The following MAGI1 variants were observed in gnomAD, a reference collection of about 807,000 sequenced individuals.
The protein encoded by MAGI1 is membrane-associated guanylate kinase, WW and PDZ domain-containing protein 1.
MAGI1 carries 58 observed loss-of-function variants against 139.9 expected under a neutral mutation model. The ratio of observed to expected loss-of-function variants is 0.41; its 90% CI spans 0.34 to 0.52. The LOEUF (loss-of-function observed/expected upper bound fraction) is 0.52, where lower values mean the gene tolerates loss of function less well. MAGI1 is among the 20% of genes least tolerant of loss of function. The pLI, the probability that MAGI1 is intolerant of heterozygous loss-of-function variation, is 0.12. For synonymous variants in MAGI1, 812 were observed against 737.9 expected, an observed-to-expected ratio of 1.10 and a Z score of -1.63; for missense variants, 1,874 against 1,901.6, an observed-to-expected ratio of 0.99 and a Z score of 0.27.
chr3:65,558,538 T>G (rs1192553667), intron 2 of MAGI1, among the ~76,000 whole-genome samples: 1 of 152,172 alleles, frequency 6.6e-6, no homozygotes, highest in African/African-American at 2.4e-5. Context: ...CCTGTTATCT[T>G]CTTACATCAT....
chr3:65,877,047 C>T lies in MAGI1; in HGVS notation c.313+160949G>A, dbSNP rs1021824166. Among the ~76,000 whole-genome samples the T allele has an allele frequency of 4.3e-4, 65 of 152,106 alleles. 1 individual carries two copies. The highest frequency in any genetic ancestry group is 1.5e-3 in the African/African-American group (63 of 41,408). On this transcript the variant is annotated intron_variant, in intron 1 of 22. Transcript: ENST00000402939. The stretch of plus-strand genomic sequence containing the variant: ...CATGAGCCACTGCGCCTGGCCTATG[C>T]TCTAATTTTTAAGTAAAAATTAAAT...
intron 2 of MAGI1, among the ~76,000 whole-genome samples, chr3:65,544,461 G>GTT (rs1322790748): frequency 6.6e-6 from 1 of 152,150 alleles, no homozygotes. Context: ...TTGGGGGAGG[G>GTT]TTCAAAGTAG....
intron 1 of MAGI1, among the ~76,000 whole-genome samples, chr3:65,935,331 G>C (rs2062998806): frequency 1.3e-5 from 2 of 152,216 alleles, no homozygotes; most frequent in Admixed American, 1.3e-4. Context: ...TGGTTTTGTA[G>C]ATTGAATTCT....
intron 1 of MAGI1, among the ~76,000 whole-genome samples, chr3:66,034,250 C>G (rs2068795197): frequency 6.9e-6 from 1 of 145,184 alleles, no homozygotes; most frequent in South Asian, 2.5e-4. Context: ...GGTTACTATA[C>G]TAATGCCACT....
At chr3:66,013,563 C>A (rs1288485344) in intron 1 of MAGI1, among the ~76,000 whole-genome samples, 6 of 151,776 alleles carry the variant, frequency 4.0e-5, no homozygotes, top group Non-Finnish European at 8.8e-5. Context: ...AGACCGAGAC[C>A]ATCCTGGCTA....
chr3:65,455,316 T>C (rs1949318980), intron 5 of MAGI1, among the ~76,000 whole-genome samples: 1 of 152,166 alleles, frequency 6.6e-6, no homozygotes, highest in Non-Finnish European at 1.5e-5. Context: ...TGCTCTTTTA[T>C]AGTCACAACT....
At chr3:65,690,181 T>G (rs1200057450) in intron 1 of MAGI1, among the ~76,000 whole-genome samples, 1 of 114,518 alleles carries the variant, frequency 8.7e-6, no homozygotes, top group Non-Finnish European at 1.7e-5. Flanking sequence ...CCACTGCAAA[T>G]AGAGTAGACT....
At chr3:65,948,828 C>T (rs1366226618) in intron 1 of MAGI1, among the ~76,000 whole-genome samples, 2 of 152,168 alleles carry the variant, frequency 1.3e-5, no homozygotes, top group Non-Finnish European at 2.9e-5. Context: ...CTTTGGCAGT[C>T]AACCCATTCT....
rs1267651255 is a variant in MAGI1, at chr3:65,826,430, G to A, written c.314-204342C>T. 5.3e-5 allele frequency among the ~76,000 whole-genome samples: 8 copies of A among 152,330 alleles called. No individual in the cohort carries two copies. The East Asian group carries it at 9.7e-4, about 18-fold the overall frequency. ...GAAAGAGACTGGATATCAGCATTCT[G>A]TGCAAATTCTTACCTGTTACTTGTG... On this transcript the variant is annotated intron_variant, in intron 1 of 22. Coordinates refer to ENST00000402939, the MANE Select transcript of MAGI1 (RefSeq NM_001033057.2).
chr3:65,757,948 T>C (rs1032325396), intron 1 of MAGI1, among the ~76,000 whole-genome samples: 4 of 152,226 alleles, frequency 2.6e-5, no homozygotes, highest in African/African-American at 9.6e-5. Context: ...AGAGATACTT[T>C]AGAGCATTTC....
chr3:65,858,194 G>A (rs1290211057), intron 1 of MAGI1, among the ~76,000 whole-genome samples: 1 of 152,184 alleles, frequency 6.6e-6, no homozygotes, highest in East Asian at 1.9e-4. Context: ...AAGCATAAAT[G>A]CCATCCTTAG....
At chr3:65,731,618 G>A (rs2034200689) in intron 1 of MAGI1, among the ~76,000 whole-genome samples, 1 of 149,384 alleles carries the variant, frequency 6.7e-6, no homozygotes, top group African/African-American at 2.5e-5. Flanking sequence ...TTGTACCACT[G>A]CACTCCAGCC....
Position 65,665,713 on chromosome 3 carries a change from A to G in MAGI1, c.314-43625T>C, listed in dbSNP as rs535791164. On this transcript the variant is annotated intron_variant, in intron 1 of 22. Transcript: ENST00000402939. ...CACACAGACACAAAAACAAGAACTG[A>G]CAGTATGTGGATCACTCTTGGAACA... Among the ~76,000 whole-genome samples, 387 of 152,284 alleles carry G rather than the reference A, an allele frequency of 2.5e-3. 1 individual carries two copies. Among genetic ancestry groups the G allele is most frequent in the Non-Finnish European group, 3.4e-3 (234 of 68,032 alleles).
At chr3:65,705,242 T>C (rs1036590319) in intron 1 of MAGI1, among the ~76,000 whole-genome samples, 3 of 152,214 alleles carry the variant, frequency 2.0e-5, no homozygotes, top group Non-Finnish European at 4.4e-5. Flanking sequence ...TTTCAGAGTA[T>C]GTTAGCTTAA....
intron 2 of MAGI1, among the ~76,000 whole-genome samples, chr3:65,557,313 G>A (rs1001106709): frequency 1.3e-5 from 2 of 152,170 alleles, no homozygotes; most frequent in Non-Finnish European, 2.9e-5. Context: ...CTGCTACCAC[G>A]TGGTAAGAGC....
intron 1 of MAGI1, among the ~76,000 whole-genome samples, chr3:65,950,958 GAGAAGGAAGGAAGGAA>G (rs1389299750): frequency 2.6e-5 from 3 of 116,130 alleles, no homozygotes; most frequent in African/African-American, 3.4e-5. Context: ...TGAGAAGAAA[GAGAAGGAAGGAAGGAA>G]GGAAGGAAGG....
intron 1 of MAGI1, among the ~76,000 whole-genome samples, chr3:65,927,344 T>C (rs757949142): frequency 6.6e-6 from 1 of 152,150 alleles, no homozygotes; most frequent in Non-Finnish European, 1.5e-5. Context: ...AAGAAGATAT[T>C]AAAGACTCAC....
intron 1 of MAGI1, among the ~76,000 whole-genome samples, chr3:65,648,299 G>GTA (rs1370902555): frequency 1.3e-5 from 2 of 149,078 alleles, no homozygotes; most frequent in African/African-American, 5.2e-5. Flanking sequence ...CCGTGTGTGT[G>GTA]TGTGTGTGTG....
rs550435336 is a variant in MAGI1, at chr3:65,689,311, AC to A, written c.314-67224del. ...AGACAAGATTGGATTTTCCCAGGAT[AC>A]AATAAAACAGACCTGAGTTCCATGT... On this transcript the variant is annotated intron_variant, in intron 1 of 22. Coordinates refer to ENST00000402939, the MANE Select transcript of MAGI1 (RefSeq NM_001033057.2). Among the ~76,000 whole-genome samples, 857 of 152,342 alleles carry A rather than the reference AC, an allele frequency of 5.6e-3. 10 individuals carry two copies. Among genetic ancestry groups the A allele is most frequent in the African/African-American group, 0.019 (806 of 41,572 alleles).
Sources: gnomAD v4.1 joint callset for allele counts (sites outside exome capture counted in the v4.1 genomes callset) on GRCh38, gnomAD v4.1.1 for gene constraint, MANE v1.5 for transcripts, NCBI Gene and HGNC (gene_info 2026-07-23, HGNC 2026-07-21) for gene names.